The following NPHP4 variants were observed in gnomAD, a reference collection of about 807,000 sequenced individuals.
NPHP4 encodes nephrocystin-4.
Under a neutral mutation model 155.8 loss-of-function variants are expected in NPHP4, and 151 were observed. The ratio of observed to expected loss-of-function variants is 0.97; its 90% CI spans 0.85 to 1.11. The LOEUF is 1.11. Among genes scored for constraint, NPHP4 ranks in the 50% least tolerant of loss-of-function variants. The pLI, the probability that NPHP4 is intolerant of heterozygous loss-of-function variation, is 0.00. For synonymous variants in NPHP4, 845 were observed against 816.8 expected (o/e 1.03, Z -0.59); for missense variants, 1,956 against 1,925.7 (o/e 1.02, Z -0.29).
chr1:5,960,756 C>G (rs1650160882), intron 6 of NPHP4, among the ~76,000 whole-genome samples: 1 of 152,140 alleles, frequency 6.6e-6, no homozygotes, highest in South Asian at 2.1e-4. Flanking sequence ...CCAGAAGATT[C>G]CTACAGCAGA....
chr1:5,898,322 G>A (rs903350521), intron 16 of NPHP4, among the ~76,000 whole-genome samples: 3 of 152,204 alleles, frequency 2.0e-5, no homozygotes, highest in Admixed American at 6.5e-5. Context: ...GGGAGACCAC[G>A]CCCTCGGCAG....
rs530326465 is a variant in NPHP4, at chr1:5,937,185, G to A, written c.1120-3856C>T. On this transcript the variant is annotated intron_variant, in intron 9 of 29. Coordinates refer to ENST00000378156, the MANE Select transcript of NPHP4 (RefSeq NM_015102.5). ...CTGAGCTTTGCCTGAGGAGGATCTCGGCTCTGTCACACCAGGGGTTTCCTG... is the reference window on the plus strand; with the variant it reads ...CTGAGCTTTGCCTGAGGAGGATCTCAGCTCTGTCACACCAGGGGTTTCCTG... Among the ~76,000 whole-genome samples, 16 of 152,122 alleles carry A rather than the reference G, an allele frequency of 1.1e-4. No homozygotes were observed. The South Asian group carries it at 1.7e-3, about 16-fold the overall frequency.
At chr1:5,906,081 A>T (rs1644901986) in intron 13 of NPHP4, among the ~76,000 whole-genome samples, 2 of 152,168 alleles carry the variant, frequency 1.3e-5, no homozygotes, top group African/African-American at 4.8e-5. Flanking sequence ...GTGTGAGTTG[A>T]GAAGCGGTGA....
chr1:5,935,648 G>A (rs1646499549), intron 9 of NPHP4, among the ~76,000 whole-genome samples: 2 of 152,340 alleles, frequency 1.3e-5, no homozygotes, highest in African/African-American at 4.8e-5. Context: ...GTCGAGGCGG[G>A]TGGATCACCT....
chr1:5,880,177 T>A lies in NPHP4; in HGVS notation c.2548A>T (p.Ile850Phe). ...AAGCGGCTGGCTCCATCGTTTGAGA[T>A]GACCCGAGATCTGGACGGTGGCAAT... ...STLPPSRSRV[I>F]SNDGASRFSG... Residue 850 changes from isoleucine (I) to phenylalanine (F), a missense_variant, in exon 19 of 30, where the codon ATC (isoleucine) becomes TTC (phenylalanine). Physicochemically the swap from Ile to Phe is conservative, Grantham distance 21. Transcript: ENST00000378156. 6.2e-7 allele frequency: 1 copy of A among 1,613,760 alleles called. No homozygotes were observed.
chr1:5,979,417 G>C (rs116596678), intron 2 of NPHP4, among the ~76,000 whole-genome samples: 1 of 152,182 alleles, frequency 6.6e-6, no homozygotes, highest in Non-Finnish European at 1.5e-5. Flanking sequence ...ACCACAGGGA[G>C]TTTGGGGAGA....
At chr1:5,935,241 C>T (rs562613401) in intron 9 of NPHP4, among the ~76,000 whole-genome samples, 5 of 152,312 alleles carry the variant, frequency 3.3e-5, no homozygotes, top group South Asian at 2.1e-4. Context: ...CCATCACAAT[C>T]GGACTTCAAA....
At chr1:5,932,025 G>A (rs553950333) in intron 10 of NPHP4, among the ~76,000 whole-genome samples, 1 of 151,882 alleles carries the variant, frequency 6.6e-6, no homozygotes, top group African/African-American at 2.4e-5. Flanking sequence ...AGTGAACTAT[G>A]ATCGTGCCAC....
intron 2 of NPHP4, among the ~76,000 whole-genome samples, chr1:5,982,058 T>C (rs1020491132): frequency 4.6e-5 from 7 of 152,350 alleles, no homozygotes; most frequent in Non-Finnish European, 7.3e-5. Context: ...CTCTGTAGCG[T>C]ACGTTATCAT....
chr1:5,979,520 T>C lies in NPHP4; in HGVS notation c.136-1107A>G, dbSNP rs191756173. On this transcript the variant is annotated intron_variant, in intron 2 of 29. Coordinates refer to ENST00000378156, the MANE Select transcript of NPHP4 (RefSeq NM_015102.5). The stretch of plus-strand genomic sequence containing the variant: ...GCCAGCGAGAAGTGCAGGAACTATA[T>C]TTAGCTATAGTACCTGTGTTTTGTT... Among the ~76,000 whole-genome samples, 15 of 152,176 alleles carry C rather than the reference T, an allele frequency of 9.9e-5. No homozygotes were observed. The East Asian group carries it at 1.9e-3, about 20-fold the overall frequency.
At chr1:5,881,453 T>A (rs567222281) in intron 18 of NPHP4, 24 of 152,152 alleles carry the variant, frequency 1.6e-4, no homozygotes, top group Non-Finnish European at 2.9e-4. Flanking sequence ...CCCCTCTACA[T>A]CCCAGGGAAC....
chr1:5,931,315 AG>A (rs1432085834), intron 10 of NPHP4, among the ~76,000 whole-genome samples: 1 of 152,046 alleles, frequency 6.6e-6, no homozygotes, highest in Non-Finnish European at 1.5e-5. Context: ...CAATAAAGCA[AG>A]TCACTGAATT....
At chr1:5,956,068 G>C (rs943716801) in intron 6 of NPHP4, among the ~76,000 whole-genome samples, 6 of 141,692 alleles carry the variant, frequency 4.2e-5, no homozygotes, top group East Asian at 2.0e-4. Flanking sequence ...CTGGGGGGGG[G>C]GGGTGCAGGG....
At chr1:5,964,937 A>ATTTTTTTTTTTTTTTTTT (rs1400602210) in intron 5 of NPHP4, among the ~76,000 whole-genome samples, 6 of 54,934 alleles carry the variant, frequency 1.1e-4, no homozygotes, top group Admixed American at 2.3e-4. Context: ...ATATATATAT[A>ATTTTTTTTTTTTTTTTTT]TATATTTTTT....
In NPHP4 at chr1:5,907,207, G is replaced by A; in HGVS notation, c.1519C>T (p.Leu507=). Residue 507 remains leucine, a synonymous_variant, in exon 13 of 30, where the codon CTG becomes TTG. Coordinates refer to ENST00000378156, the MANE Select transcript of NPHP4 (RefSeq NM_015102.5). The stretch of plus-strand genomic sequence containing the variant: ...GTCGGGGACCGCGGGGAGGCCGCCA[G>A]CTGGGAAATTGACAACTGGAAGGAA... ...PVGPGLSISQ[L]AASPRSPTQH... 1 of 1,580,372 alleles carries A rather than the reference G, an allele frequency of 6.3e-7. No homozygotes were observed. Among genetic ancestry groups the A allele is most frequent in the Non-Finnish European group, 8.6e-7 (1 of 1,162,406 alleles).
intron 7 of NPHP4, among the ~76,000 whole-genome samples, chr1:5,952,215 C>T (rs1400592654): frequency 1.3e-5 from 2 of 152,198 alleles, no homozygotes; most frequent in African/African-American, 2.4e-5. Context: ...GTGAGATGAC[C>T]GAGGCTTCCA....
intron 18 of NPHP4, among the ~76,000 whole-genome samples, chr1:5,884,187 C>T (rs1643563888): frequency 6.6e-6 from 1 of 152,196 alleles, no homozygotes; most frequent in Admixed American, 6.5e-5. Flanking sequence ...AACACGTTTG[C>T]TGCAGGGGCA....
At position 5,863,767 on chromosome 1, in the gene NPHP4, C is replaced by T. The variant is rs973291183; in HGVS notation, c.4140+123G>A. 6.9e-5 allele frequency: 74 copies of T among 1,077,824 alleles called. 1 individual carries two copies. Among genetic ancestry groups the T allele is most frequent in the Admixed American group, 3.8e-4 (20 of 52,388 alleles). 66.8% of individuals were successfully genotyped at this position (1,077,824 alleles called of 1,614,324 possible). ...CCAACTATGGGATGGTACCTGTCAC[C>T]GCCCTGGGGCTTTTGGAAGACTGCT... On this transcript the variant is annotated intron_variant, in intron 29 of 29. Coordinates refer to ENST00000378156, the MANE Select transcript of NPHP4 (RefSeq NM_015102.5).
At chr1:5,880,491 G>A in intron 18 of NPHP4, 1 of 489,790 alleles carries the variant, frequency 2.0e-6, no homozygotes, top group South Asian at 2.3e-5. Flanking sequence ...GGTGACGAAT[G>A]AAAGCGTGTG....
Sources: gnomAD v4.1 joint callset for allele counts (sites outside exome capture counted in the v4.1 genomes callset) on GRCh38, gnomAD v4.1.1 for gene constraint, MANE v1.5 for transcripts, NCBI Gene and HGNC (gene_info 2026-07-23, HGNC 2026-07-21) for gene names.